ITPR1: variants seen among roughly 807,000 people sequenced by gnomAD.
ITPR1 encodes the protein inositol 1,4,5-trisphosphate-gated calcium channel ITPR1.
Under a neutral mutation model 318.4 loss-of-function variants are expected in ITPR1, and 96 were observed. The ratio of observed to expected loss-of-function variants is 0.30; its 90% CI spans 0.26 to 0.36. ITPR1 has a LOEUF of 0.36. Ranked by LOEUF, ITPR1 falls within the 10% of genes least tolerant of loss-of-function variation. The pLI is 1.00. For missense variants in ITPR1, 2,440 were observed against 3,460.2 expected, an observed-to-expected ratio of 0.71 and a Z score of 7.40; for synonymous variants, 1,312 against 1,289.9, an observed-to-expected ratio of 1.02 and a Z score of -0.37.
At chr3:4,573,103 C>G (rs1425489402) in intron 4 of ITPR1, among the ~76,000 whole-genome samples, 3 of 152,058 alleles carry the variant, frequency 2.0e-5, no homozygotes, top group Non-Finnish European at 2.9e-5. Context: ...GGCTATATAC[C>G]AGAACCGGAA....
chr3:4,582,846 C>T (rs947766224), intron 4 of ITPR1, among the ~76,000 whole-genome samples: 35 of 152,316 alleles, frequency 2.3e-4, no homozygotes, highest in Middle Eastern at 3.4e-3. Context: ...TCTTCCAGCT[C>T]TGTGCGTGCT....
chr3:4,666,027 T>C (rs958650012), intron 17 of ITPR1, among the ~76,000 whole-genome samples: 14 of 152,162 alleles, frequency 9.2e-5, no homozygotes, highest in African/African-American at 3.4e-4. Flanking sequence ...CACCCAGCAG[T>C]GCCAAGGACA....
chr3:4,534,938 G>A (rs374925949), intron 4 of ITPR1, among the ~76,000 whole-genome samples: 4 of 152,256 alleles, frequency 2.6e-5, no homozygotes, highest in South Asian at 4.1e-4. Flanking sequence ...CGGTCTTGTC[G>A]ACAAAGAATA....
intron 51 of ITPR1, among the ~76,000 whole-genome samples, chr3:4,786,352 C>T (rs952936036): frequency 6.6e-6 from 1 of 152,194 alleles, no homozygotes; most frequent in Non-Finnish European, 1.5e-5. Context: ...ACCTGATCTC[C>T]ACATGGATTT....
intron 4 of ITPR1, among the ~76,000 whole-genome samples, chr3:4,612,365 A>G (rs902335469): frequency 2.0e-5 from 3 of 151,990 alleles, no homozygotes; most frequent in African/African-American, 4.8e-5. Context: ...CCTGGCCACT[A>G]TATCAGGCAC....
intron 4 of ITPR1, among the ~76,000 whole-genome samples, chr3:4,608,771 G>A (rs2091874633): frequency 6.6e-6 from 1 of 151,808 alleles, no homozygotes; most frequent in Non-Finnish European, 1.5e-5. Context: ...GGAAGCCAAG[G>A]CAGGTGGATC....
At chr3:4,844,684 T>C (rs1419619194) in intron 61 of ITPR1, among the ~76,000 whole-genome samples, 1 of 152,240 alleles carries the variant, frequency 6.6e-6, no homozygotes, top group Non-Finnish European at 1.5e-5. Context: ...TAACACTTCC[T>C]TTAAAGATGT....
chr3:4,593,610 C>CT (rs2090564060), intron 4 of ITPR1, among the ~76,000 whole-genome samples: 1 of 152,114 alleles, frequency 6.6e-6, no homozygotes, highest in Non-Finnish European at 1.5e-5. Flanking sequence ...ATGCTAATGC[C>CT]TTGGGAGAAT....
chr3:4,782,812 C>T (rs2046921359), intron 50 of ITPR1, 71 bp downstream of exon 50: 2 of 1,364,986 alleles, frequency 1.5e-6, no homozygotes, highest in Non-Finnish European at 9.6e-7. Flanking sequence ...TGGAGGGTGC[C>T]CCCAGTCTTG....
At chr3:4,500,859 A>AT (rs1441722543) in intron 2 of ITPR1, among the ~76,000 whole-genome samples, 1 of 151,760 alleles carries the variant, frequency 6.6e-6, no homozygotes, top group Non-Finnish European at 1.5e-5. Context: ...TGAACTTTTT[A>AT]TTTTTAGTTT....
intron 60 of ITPR1, among the ~76,000 whole-genome samples, chr3:4,835,233 G>T (rs1166320607): frequency 6.6e-6 from 1 of 151,900 alleles, no homozygotes; most frequent in East Asian, 1.9e-4. Flanking sequence ...TTGCTAGATG[G>T]CCCTAGGTCA....
At chr3:4,718,031 T>C (rs1322480559) in intron 40 of ITPR1, among the ~76,000 whole-genome samples, 1 of 152,234 alleles carries the variant, frequency 6.6e-6, no homozygotes, top group Non-Finnish European at 1.5e-5. Flanking sequence ...CAGTGGCTTC[T>C]GTACTTATAT....
intron 4 of ITPR1, among the ~76,000 whole-genome samples, chr3:4,534,817 C>A (rs1026230087): frequency 6.6e-6 from 1 of 151,966 alleles, no homozygotes; most frequent in African/African-American, 2.4e-5. Context: ...GTCCTCTCCT[C>A]CCCCTATAAC....
chr3:4,762,696 A>G (rs1024178132), intron 44 of ITPR1, among the ~76,000 whole-genome samples: 3 of 152,248 alleles, frequency 2.0e-5, no homozygotes, highest in African/African-American at 4.8e-5. Flanking sequence ...CAGTGGGTCA[A>G]GGACCTGGGA....
rs146079741 is a variant in ITPR1 at position 4,564,002 on chromosome 3, C to T, written c.163+42908C>T. Among the ~76,000 whole-genome samples the T allele has an allele frequency of 2.6e-4, 40 of 151,662 alleles. No homozygotes were observed. In the East Asian group the frequency reaches 5.0e-3, roughly 19 times the overall value. On this transcript the variant is annotated intron_variant, in intron 4 of 61. Transcript: ENST00000649015. ...TGTCACCCAGACTGGAGTGTAGTGG[C>T]GCGATCTTGGCTCACTGCAACCTCC...
chr3:4,726,894 C>G (rs189151883), intron 41 of ITPR1, among the ~76,000 whole-genome samples: 100 of 152,308 alleles, frequency 6.6e-4, no homozygotes, highest in Middle Eastern at 6.8e-3. Context: ...AGTCATATGT[C>G]TGCCCATTTT....
At chr3:4,496,801 A>G (rs1410499159) in intron 2 of ITPR1, among the ~76,000 whole-genome samples, 1 of 152,224 alleles carries the variant, frequency 6.6e-6, no homozygotes, top group Non-Finnish European at 1.5e-5. Flanking sequence ...TAAAGATATC[A>G]TGGAAACTGT....
chr3:4,550,624 T>TA (rs1247995540), intron 4 of ITPR1, among the ~76,000 whole-genome samples: 5 of 151,592 alleles, frequency 3.3e-5, no homozygotes, highest in South Asian at 2.1e-4. Flanking sequence ...CTGAAAGAAG[T>TA]AAAAAAAAGA....
At chr3:4,617,854 T>C (rs921442023) in intron 4 of ITPR1, among the ~76,000 whole-genome samples, 1 of 151,400 alleles carries the variant, frequency 6.6e-6, no homozygotes, top group African/African-American at 2.4e-5. Flanking sequence ...GCTTACAGGC[T>C]TACACCTGTA....
Sources: allele counts gnomAD v4.1 joint callset (sites outside exome capture counted in the v4.1 genomes callset), GRCh38; gene constraint gnomAD v4.1.1; transcripts MANE v1.5; gene names NCBI Gene and HGNC (gene_info 2026-07-23, HGNC 2026-07-21).